CEP63: variants seen among roughly 807,000 people sequenced by gnomAD.
CEP63 encodes the protein centrosomal protein of 63 kDa.
CEP63 carries 84 observed loss-of-function variants against 89.1 expected under a neutral mutation model. That is an observed-to-expected ratio of 0.94 (90% CI 0.79 to 1.13). CEP63 has a LOEUF of 1.13. Among genes scored for constraint, CEP63 ranks in the 50% most tolerant of loss-of-function variants. The pLI is 0.00. For missense variants in CEP63, 838 were observed against 813.3 expected, an observed-to-expected ratio of 1.03 and a Z score of -0.37; for synonymous variants, 267 against 272.5, an observed-to-expected ratio of 0.98 and a Z score of 0.20.
the CEP63 span, among the ~76,000 whole-genome samples, chr3:134,685,994 T>C: frequency 5.3e-5 from 8 of 152,238 alleles, no homozygotes; most frequent in African/African-American, 1.9e-4. Flanking sequence ...AACACTGACT[T>C]GCTCCAAGTC....
At chr3:134,612,796 T>TGTGTGTGTGTGTGTG in the CEP63 span, among the ~76,000 whole-genome samples, 1 of 148,974 alleles carries the variant, frequency 6.7e-6, no homozygotes. Flanking sequence ...TGTGTGTGTG[T>TGTGTGTGTGTGTGTG]TGCCTGCATG....
chr3:134,587,482 G>C (rs1193840025), exon 11 of CEP63, among the ~76,000 whole-genome samples: 1 of 152,152 alleles, frequency 6.6e-6, no homozygotes, highest in African/African-American at 2.4e-5. Context: ...GAGTTTGCTG[G>C]AGGTCCACTC....
chr3:134,599,836 T>A, the CEP63 span, among the ~76,000 whole-genome samples: 1 of 152,228 alleles, frequency 6.6e-6, no homozygotes, highest in Non-Finnish European at 1.5e-5. Flanking sequence ...TTCTAGGGCT[T>A]CCTTTGAACA....
the CEP63 span, among the ~76,000 whole-genome samples, chr3:134,698,203 G>A: frequency 6.6e-6 from 1 of 152,214 alleles, no homozygotes; most frequent in Non-Finnish European, 1.5e-5. Flanking sequence ...GTGTATCCGT[G>A]CAGAGATTCC....
At chr3:134,596,871 C>T in the CEP63 span, among the ~76,000 whole-genome samples, 2 of 152,154 alleles carry the variant, frequency 1.3e-5, no homozygotes, top group African/African-American at 4.8e-5. Context: ...AGATAATTCC[C>T]CATGGCTTGG....
At chr3:134,633,844 C>T in the CEP63 span, among the ~76,000 whole-genome samples, 6 of 152,146 alleles carry the variant, frequency 3.9e-5, no homozygotes, top group Admixed American at 3.9e-4. Flanking sequence ...TGTCTGTCTA[C>T]ATAGGAAATC....
At chr3:134,761,187 GC>G in the CEP63 span, among the ~76,000 whole-genome samples, 2 of 152,138 alleles carry the variant, frequency 1.3e-5, no homozygotes, top group Admixed American at 1.3e-4. Flanking sequence ...ATGCTCAGAT[GC>G]CCCTACTCCC....
At chr3:134,721,202 A>C in the CEP63 span, among the ~76,000 whole-genome samples, 1 of 152,068 alleles carries the variant, frequency 6.6e-6, no homozygotes, top group South Asian at 2.1e-4. Context: ...TTCTTTTGTT[A>C]AATGTATACC....
At chr3:134,707,424 C>A in the CEP63 span, among the ~76,000 whole-genome samples, 1 of 152,194 alleles carries the variant, frequency 6.6e-6, no homozygotes, top group Non-Finnish European at 1.5e-5. Context: ...ACAATCCTAA[C>A]TGAATGGATA....
At chr3:134,748,506 T>C in the CEP63 span, among the ~76,000 whole-genome samples, 3 of 152,144 alleles carry the variant, frequency 2.0e-5, no homozygotes, top group Non-Finnish European at 4.4e-5. Flanking sequence ...ACTTTACTGT[T>C]CTTTCTACAT....
At chr3:134,502,757 T>C (rs1489084006) in intron 2 of CEP63, among the ~76,000 whole-genome samples, 2 of 152,058 alleles carry the variant, frequency 1.3e-5, no homozygotes, top group African/African-American at 2.4e-5. Context: ...ATCAACTGTT[T>C]ATTTCATTTG....
At chr3:134,739,466 T>C in the CEP63 span, among the ~76,000 whole-genome samples, 1 of 152,200 alleles carries the variant, frequency 6.6e-6, no homozygotes, top group Non-Finnish European at 1.5e-5. Flanking sequence ...TTAGAAATGT[T>C]CGCAGTAGCA....
At chr3:134,487,913 C>T (rs1033555211) in intron 1 of CEP63, 4 of 152,222 alleles carry the variant, frequency 2.6e-5, no homozygotes, top group Admixed American at 2.6e-4. Flanking sequence ...ATAGTTATAG[C>T]TATGGGATTA....
chr3:134,646,644 A>G, the CEP63 span, among the ~76,000 whole-genome samples: 1 of 152,154 alleles, frequency 6.6e-6, no homozygotes, highest in Non-Finnish European at 1.5e-5. Context: ...AGTCCTATTC[A>G]TCTGCAATCC....
At chr3:134,582,467 A>T (rs141367948) in intron 10 of CEP63, among the ~76,000 whole-genome samples, 48,223 of 151,868 alleles carry the variant, frequency 0.32, 7,929 homozygotes, top group African/African-American at 0.35. Context: ...GCTGAGAATG[A>T]TGGTTTCCAG....
chr3:134,569,164 C>T (rs1957915771), downstream of CEP63, among the ~76,000 whole-genome samples: 1 of 152,194 alleles, frequency 6.6e-6, no homozygotes, highest in Admixed American at 6.5e-5. Flanking sequence ...GGGTGGGGCC[C>T]CAGCCAAACC....
chr3:134,736,921 G>A, the CEP63 span, among the ~76,000 whole-genome samples: 1 of 152,126 alleles, frequency 6.6e-6, no homozygotes, highest in African/African-American at 2.4e-5. Flanking sequence ...TTTTTAAAAA[G>A]TTACAGTAAC....
At chr3:134,710,595 A>G in the CEP63 span, among the ~76,000 whole-genome samples, 1 of 152,100 alleles carries the variant, frequency 6.6e-6, no homozygotes, top group Non-Finnish European at 1.5e-5. Flanking sequence ...TTCCCACCCC[A>G]GGCACCACGC....
the CEP63 span, among the ~76,000 whole-genome samples, chr3:134,642,135 T>TC: frequency 6.6e-6 from 1 of 152,090 alleles, no homozygotes; most frequent in Non-Finnish European, 1.5e-5. Context: ...GAGAGCCAGC[T>TC]CCCCCATGCT....
Sources: allele counts gnomAD v4.1 joint callset (sites outside exome capture counted in the v4.1 genomes callset), GRCh38; gene constraint gnomAD v4.1.1; transcripts MANE v1.5; gene names NCBI Gene and HGNC (gene_info 2026-07-23, HGNC 2026-07-21).